Variants in FYCO1 observed in about 807,000 individuals in gnomAD.
The protein encoded by FYCO1 is FYVE and coiled-coil domain autophagy adaptor 1.
A neutral mutation model predicts 165.1 loss-of-function variants in FYCO1; 122 were observed. That is an observed-to-expected ratio of 0.74 (90% confidence interval 0.64 to 0.86). The LOEUF (loss-of-function observed/expected upper bound fraction) is 0.86, where lower values mean the gene tolerates loss of function less well. FYCO1 is among the 40% of genes least tolerant of loss of function. FYCO1 has a pLI of 0.00. For missense variants in FYCO1, 1,702 were observed against 1,810.3 expected (o/e 0.94, Z 1.09); for synonymous variants, 648 against 742.5 (o/e 0.87, Z 2.07).
chr3:45,993,130 A>G lies in FYCO1; in HGVS notation c.-113+2592T>C, dbSNP rs1707637050. Among the ~76,000 whole-genome samples the G allele has an allele frequency of 6.6e-6, 1 of 152,218 alleles. No individual in the cohort carries two copies. Among genetic ancestry groups the G allele is most frequent in the Non-Finnish European group, 1.5e-5 (1 of 68,034 alleles). On this transcript the variant is annotated intron_variant, in intron 1 of 17. Coordinates refer to ENST00000296137, the MANE Select transcript of FYCO1 (RefSeq NM_024513.4). This position sits in a 1 kb window ranked among gnomAD's most constrained non-coding sequence, Gnocchi z 4.4. ...TCTCCTTAAGTCTTTCATCAGAACCACACTGATGTACACATCCTCCAAATG... is the reference window on the plus strand; with the variant it reads ...TCTCCTTAAGTCTTTCATCAGAACCGCACTGATGTACACATCCTCCAAATG...
chr3:45,982,501 T>A (rs1205900604), intron 2 of FYCO1, among the ~76,000 whole-genome samples: 3 of 152,140 alleles, frequency 2.0e-5, no homozygotes, highest in African/African-American at 7.2e-5. Flanking sequence ...ACTTCTAAGA[T>A]AATTCACCTC....
intron 13 of FYCO1, among the ~76,000 whole-genome samples, chr3:45,955,666 C>T (rs910796441): frequency 6.6e-6 from 1 of 152,206 alleles, no homozygotes. Flanking sequence ...AGAGAGGTTT[C>T]AACCTCTTGC....
chr3:45,960,819 C>A (rs1010690355), intron 11 of FYCO1, among the ~76,000 whole-genome samples: 3 of 152,092 alleles, frequency 2.0e-5, no homozygotes, highest in Non-Finnish European at 4.4e-5. Flanking sequence ...AATTTTGAAC[C>A]TGAGTCTAAG....
Position 45,964,364 on chromosome 3 carries a change from C to T in FYCO1, c.3241G>A (p.Gly1081Arg). The T allele has an allele frequency of 1.9e-6, 3 of 1,614,138 alleles. No homozygotes were observed. The highest frequency in any genetic ancestry group is 2.5e-6 in the Non-Finnish European group (3 of 1,179,980). ...QAAMLRKDKE[G>R]AALREDLERT... is the part of the protein sequence containing the mutation. Reference sequence around the variant, plus strand: ...TCTAGGTCTTCACGCAGGGCAGCCCCCTCCTTGTCCTTCCTCAGCATGGCC... The same window carrying T: ...TCTAGGTCTTCACGCAGGGCAGCCCTCTCCTTGTCCTTCCTCAGCATGGCC... The change falls in exon 10 of 18, where the codon GGG becomes AGG. Residue 1081 changes from glycine (G) to arginine (R), a missense_variant. Gly to Arg is a moderately radical substitution (Grantham distance 125, BLOSUM62 -2). Transcript: ENST00000296137. The surrounding 1 kb of genome is among the most constrained non-coding windows in gnomAD (Gnocchi z 4.1).
At chr3:45,979,641 T>C in intron 4 of FYCO1, 64 bp downstream of exon 4, 1 of 1,602,286 alleles carries the variant, frequency 6.2e-7, no homozygotes, top group South Asian at 1.1e-5. Flanking sequence ...CAAAGGTCTC[T>C]GCAAGAGCTG....
At chr3:45,934,470 C>G (rs1400024405) in intron 15 of FYCO1, among the ~76,000 whole-genome samples, 3 of 152,134 alleles carry the variant, frequency 2.0e-5, no homozygotes, top group African/African-American at 7.2e-5. Context: ...CCATGGAGGC[C>G]AGAGGGAAGT....
At chr3:45,984,612 CG>C (rs1707224466) in intron 2 of FYCO1, 1 of 615,420 alleles carries the variant, frequency 1.6e-6, no homozygotes, top group Non-Finnish European at 2.9e-6. Context: ...GTCCTGGAGC[CG>C]GGTGTATGAT....
chr3:45,925,609 T>C (rs536779995), intron 16 of FYCO1, among the ~76,000 whole-genome samples: 51 of 152,248 alleles, frequency 3.3e-4, no homozygotes, highest in Non-Finnish European at 6.6e-4. Flanking sequence ...TTCTCTAAAC[T>C]CTACATGTTG....
chr3:45,924,038 C>A (rs942593073), intron 16 of FYCO1, among the ~76,000 whole-genome samples: 1 of 152,154 alleles, frequency 6.6e-6, no homozygotes, highest in African/African-American at 2.4e-5. Flanking sequence ...ATAGAAGATG[C>A]TAGAACACTC....
chr3:45,934,454 C>A (rs1010002505), intron 15 of FYCO1, among the ~76,000 whole-genome samples: 18 of 152,230 alleles, frequency 1.2e-4, no homozygotes, highest in African/African-American at 3.9e-4. Context: ...GATTTCTCAT[C>A]TAAAACCATG....
rs768071264 is a variant in FYCO1 at position 45,968,006 on chromosome 3, GC to G, written c.1327del (p.Ala443ProfsTer7). On this transcript the variant is annotated frameshift_variant, in exon 8 of 18. Transcript: ENST00000296137. LOFTEE classifies it high-confidence loss of function. ...CTCCTTCACCAGGCGCTCCAGGCTG[GC>G]CCGGGCATCCTCTTTCAGCTGAAGC... is the stretch of plus-strand genomic sequence containing the variant. ...KELQLKEDAR[A>X]SLERLVKEMA... is the part of the protein sequence containing the mutation. The G allele has an allele frequency of 2.5e-6, 4 of 1,614,110 alleles. No homozygotes were observed. The highest frequency in any genetic ancestry group is 3.4e-6 in the Non-Finnish European group (4 of 1,180,018).
intron 16 of FYCO1, among the ~76,000 whole-genome samples, chr3:45,926,683 G>A (rs1486183813): frequency 2.0e-5 from 3 of 152,164 alleles, no homozygotes; most frequent in Non-Finnish European, 2.9e-5. Context: ...AGAATATTCC[G>A]GCCAGGCACG....
rs558777911 is a variant in FYCO1 at position 45,981,624 on chromosome 3, C to G, written c.108G>C (p.Thr36=). Residue 36 remains threonine (T), a synonymous_variant, in exon 3 of 18, where the codon ACG becomes ACC. Coordinates refer to ENST00000296137, the MANE Select transcript of FYCO1 (RefSeq NM_024513.4). ...ATTTATGCAAGCTGGTGCTGTCATC[C>G]GTGATGGGTTCCCCTGCTTCCTGAA... ...KEFQEAGEPI[T]DDSTSLHKFS... 5 of 1,614,048 alleles carry G rather than the reference C, an allele frequency of 3.1e-6. No individual in the cohort carries two copies. Among genetic ancestry groups the G allele is most frequent in the Non-Finnish European group, 4.2e-6 (5 of 1,179,900 alleles).
rs3733097 is a variant in FYCO1, at chr3:45,984,767, G to A, written c.55+89C>T. 575,690 of 1,366,466 alleles carry A rather than the reference G, an allele frequency of 0.42. 127,461 individuals carry two copies. The highest frequency in any genetic ancestry group is 0.64 in the East Asian group (27,793 of 43,768). 84.6% of individuals were successfully genotyped at this position (1,366,466 alleles called of 1,614,324 possible). A position where few individuals can be genotyped will look rare whatever the true frequency, so the allele number is the denominator to read the frequency against. On this transcript the variant is annotated intron_variant, in intron 2 of 17. Coordinates refer to ENST00000296137, the MANE Select transcript of FYCO1 (RefSeq NM_024513.4). ...AATTACTCGTTGTGTGAACAAAAAT[G>A]AAAGGGTTGAATTTCAACTGGCAAC...
chr3:45,938,971 C>G lies in FYCO1; in HGVS notation c.3945-2428G>C, dbSNP rs6441935. Reference sequence around the variant, plus strand: ...TGACCACTAGAGGGCACCCCACCTCCTACTACAGCTGCTTCCTTTCCTTGC... The same window carrying G: ...TGACCACTAGAGGGCACCCCACCTCGTACTACAGCTGCTTCCTTTCCTTGC... On this transcript the variant is annotated intron_variant, in intron 14 of 17. Coordinates refer to ENST00000296137, the MANE Select transcript of FYCO1 (RefSeq NM_024513.4). Among the ~76,000 whole-genome samples the G allele has an allele frequency of 1.9e-3, 288 of 152,344 alleles. 1 individual carries two copies. The highest frequency in any genetic ancestry group is 6.7e-3 in the African/African-American group (280 of 41,582).
intron 11 of FYCO1, 150 bp from the exon 12 acceptor site, chr3:45,959,692 A>G (rs1411137710): frequency 1.2e-5 from 10 of 847,304 alleles, no homozygotes; most frequent in Non-Finnish European, 1.9e-5. Context: ...AGCCCATGCT[A>G]AGTCTCCTCC....
At position 45,931,419 on chromosome 3, in the gene FYCO1, C is replaced by A. The variant is rs374529907; in HGVS notation, c.4041-138G>T. On this transcript the variant is annotated intron_variant, in intron 15 of 17. Transcript: ENST00000296137. ...ACAAGCCCTGGGTAACCTTGGCCAA[C>A]ATGCTTAATTATGGGATGGGCAGCT... The A allele has an allele frequency of 1.6e-5, 12 of 769,330 alleles. No homozygotes were observed. The African/African-American group carries it at 1.7e-4, about 11-fold the overall frequency. The allele number at this position is 769,330 out of a possible 1,614,324, so 47.7% of individuals were successfully genotyped here. A position where few individuals can be genotyped will look rare whatever the true frequency, so the allele number is the denominator to read the frequency against.
At chr3:45,927,497 G>A (rs1421299100) in intron 16 of FYCO1, among the ~76,000 whole-genome samples, 1 of 152,218 alleles carries the variant, frequency 6.6e-6, no homozygotes, top group African/African-American at 2.4e-5. Context: ...TAACACAACA[G>A]TGTGCTTGCT....
intron 17 of FYCO1, 120 bp from the exon 18 acceptor site, chr3:45,921,960 G>A: frequency 1.4e-6 from 1 of 720,924 alleles, no homozygotes; most frequent in Non-Finnish European, 2.6e-6. Context: ...GGGTGCTGGA[G>A]CCCCATGCCC....
Sources: allele counts gnomAD v4.1 joint callset (sites outside exome capture counted in the v4.1 genomes callset), GRCh38; gene constraint gnomAD v4.1.1; non-coding constraint Gnocchi (gnomAD v3.1); transcripts MANE v1.5; gene names NCBI Gene and HGNC (gene_info 2026-07-23, HGNC 2026-07-21).